The following ZSWIM6 variants were observed in gnomAD, a reference collection of about 807,000 sequenced individuals.
The protein encoded by ZSWIM6 is zinc finger SWIM domain-containing protein 6.
A neutral mutation model predicts 113.2 loss-of-function variants in ZSWIM6; 9 were observed. The ratio of observed to expected loss-of-function variants is 0.08; its 90% CI spans 0.05 to 0.14. The LOEUF (loss-of-function observed/expected upper bound fraction) is 0.14. Among genes scored for constraint, ZSWIM6 ranks in the 10% least tolerant of loss-of-function variants. The pLI is 1.00. For missense variants in ZSWIM6, 1,162 were observed against 1,552.2 expected (o/e 0.75, Z 4.22); for synonymous variants, 611 against 606.5 (o/e 1.01, Z -0.11).
intron 1 of ZSWIM6, among the ~76,000 whole-genome samples, chr5:61,410,721 G>A: frequency 6.6e-6 from 1 of 152,148 alleles, no homozygotes; most frequent in East Asian, 1.9e-4. Context: ...GTACAGAGTT[G>A]TAAACTACTG....
chr5:61,348,418 G>T (rs950118857), intron 1 of ZSWIM6, among the ~76,000 whole-genome samples: 1 of 152,050 alleles, frequency 6.6e-6, no homozygotes, highest in African/African-American at 2.4e-5. Context: ...ACTTCATTGG[G>T]CTGCTTATTT....
At chr5:61,385,414 G>C (rs960405316) in intron 1 of ZSWIM6, among the ~76,000 whole-genome samples, 1 of 152,170 alleles carries the variant, frequency 6.6e-6, no homozygotes, top group Non-Finnish European at 1.5e-5. Flanking sequence ...AGGGCGGCAT[G>C]ATAAATGAGA....
chr5:61,381,522 CATT>C (rs1745475450), intron 1 of ZSWIM6, among the ~76,000 whole-genome samples: 1 of 152,078 alleles, frequency 6.6e-6, no homozygotes, highest in African/African-American at 2.4e-5. Flanking sequence ...CTCAAAGTAA[CATT>C]ATGTGTGTCA....
At chr5:61,465,604 G>A (rs1027373466) in intron 1 of ZSWIM6, among the ~76,000 whole-genome samples, 3 of 152,118 alleles carry the variant, frequency 2.0e-5, no homozygotes, top group African/African-American at 7.2e-5. Context: ...AGAAAATGGT[G>A]TAAGAATCTA....
rs561983930 is a variant in ZSWIM6, at chr5:61,334,323, T to C, written c.676+1375T>C. Reference sequence around the variant, plus strand: ...AACAATGCTGTAGTGAAACTTCCCATTTTTTTCTCCTGATTGCAAATGGCA... The same window carrying C: ...AACAATGCTGTAGTGAAACTTCCCACTTTTTTCTCCTGATTGCAAATGGCA... On this transcript the variant is annotated intron_variant, in intron 1 of 13. Transcript: ENST00000252744. 2.0e-5 allele frequency among the ~76,000 whole-genome samples: 3 copies of C among 152,284 alleles called. No individual in the cohort carries two copies. The South Asian group carries it at 6.2e-4, about 32-fold the overall frequency.
At chr5:61,394,388 T>C (rs1745795734) in intron 1 of ZSWIM6, among the ~76,000 whole-genome samples, 1 of 152,226 alleles carries the variant, frequency 6.6e-6, no homozygotes, top group African/African-American at 2.4e-5. Context: ...TCCTGACTGC[T>C]TGCACCCTGG....
At chr5:61,431,811 A>G (rs1276042740) in intron 1 of ZSWIM6, among the ~76,000 whole-genome samples, 3 of 152,224 alleles carry the variant, frequency 2.0e-5, no homozygotes, top group African/African-American at 7.2e-5. Flanking sequence ...ATTCTTCATT[A>G]AAGAATGAGG....
intron 1 of ZSWIM6, among the ~76,000 whole-genome samples, chr5:61,335,300 T>C (rs1053118688): frequency 2.0e-5 from 3 of 152,278 alleles, no homozygotes; most frequent in African/African-American, 7.2e-5. Context: ...GTGGAAAATA[T>C]TCTTTTTTCG....
At chr5:61,527,811 G>A (rs947261987) in intron 7 of ZSWIM6, among the ~76,000 whole-genome samples, 1 of 152,156 alleles carries the variant, frequency 6.6e-6, no homozygotes, top group Non-Finnish European at 1.5e-5. Context: ...ATGAATAAAT[G>A]TTGACTTTTA....
chr5:61,371,423 A>G (rs967619055), intron 1 of ZSWIM6, among the ~76,000 whole-genome samples: 1 of 152,252 alleles, frequency 6.6e-6, no homozygotes, highest in African/African-American at 2.4e-5. Context: ...AATGATGTTT[A>G]AATAATTGGC....
intron 4 of ZSWIM6, among the ~76,000 whole-genome samples, chr5:61,508,844 T>G (rs1748699295): frequency 6.6e-6 from 1 of 152,066 alleles, no homozygotes; most frequent in Non-Finnish European, 1.5e-5. Context: ...TATCAGAAAG[T>G]CCATGCTATC....
chr5:61,534,049 C>T (rs1166325637), intron 9 of ZSWIM6, among the ~76,000 whole-genome samples: 5 of 152,152 alleles, frequency 3.3e-5, no homozygotes, highest in African/African-American at 7.2e-5. Context: ...TTAATGCAGG[C>T]CCCAACTTTG....
intron 1 of ZSWIM6, among the ~76,000 whole-genome samples, chr5:61,409,397 A>C (rs1203917734): frequency 6.6e-6 from 1 of 152,220 alleles, no homozygotes; most frequent in Non-Finnish European, 1.5e-5. Context: ...GTAAAGCAAA[A>C]GATCAAAAAA....
chr5:61,458,641 G>T (rs1048158645), intron 1 of ZSWIM6, among the ~76,000 whole-genome samples: 1 of 152,134 alleles, frequency 6.6e-6, no homozygotes, highest in African/African-American at 2.4e-5. Context: ...ACTTTGGGAG[G>T]CTGAGGCAGG....
At chr5:61,386,038 A>G in intron 1 of ZSWIM6, among the ~76,000 whole-genome samples, 1 of 152,250 alleles carries the variant, frequency 6.6e-6, no homozygotes. Flanking sequence ...TATGCTAAAG[A>G]TGGGAAATAT....
rs1282300396 is a variant in ZSWIM6, at chr5:61,543,642, T to G, written c.2973T>G (p.Asp991Glu). The G allele has an allele frequency of 2.6e-6, 4 of 1,551,766 alleles. No individual in the cohort carries two copies. In the East Asian group the frequency reaches 7.3e-5, roughly 28 times the overall value. The change falls in exon 14 of 14, where the codon GAT becomes GAG. Residue 991 changes from aspartate (D) to glutamate (E), a missense_variant. Around this residue, in one of 4 missense-constraint regions of ZSWIM6, gnomAD observed 620 missense variants for 804.6 expected, o/e 0.77. Coordinates refer to ENST00000252744, the MANE Select transcript of ZSWIM6 (RefSeq NM_020928.2). This position sits in a 1 kb window ranked among gnomAD's most constrained non-coding sequence, Gnocchi z 4.3. ...TTGCACTGCAGTGTGCCATGAAGGA[T>G]CCACAGAACTGTGCCCTCTCTGCGC... ...RTLALQCAMK[D>E]PQNCALSALT... is the part of the protein sequence containing the mutation.
intron 1 of ZSWIM6, among the ~76,000 whole-genome samples, chr5:61,451,012 T>C (rs776584844): frequency 2.0e-5 from 3 of 152,220 alleles, no homozygotes; most frequent in Admixed American, 6.5e-5. Context: ...TCCTTTTACC[T>C]TAAAAGTATG....
chr5:61,478,105 C>CCTTT (rs1191333527), intron 2 of ZSWIM6, among the ~76,000 whole-genome samples: 13 of 152,066 alleles, frequency 8.5e-5, no homozygotes, highest in Non-Finnish European at 1.9e-4. Flanking sequence ...ACTATCATAC[C>CCTTT]CTTTCTATTG....
chr5:61,399,627 G>A (rs894703768), intron 1 of ZSWIM6, among the ~76,000 whole-genome samples: 1 of 152,110 alleles, frequency 6.6e-6, no homozygotes, highest in African/African-American at 2.4e-5. Context: ...GTACATTCAG[G>A]GTTGGTGTTT....
Sources: allele counts gnomAD v4.1 joint callset (sites outside exome capture counted in the v4.1 genomes callset), GRCh38; gene constraint gnomAD v4.1.1; regional missense constraint gnomAD v4.1.1; non-coding constraint Gnocchi (gnomAD v3.1); transcripts MANE v1.5; gene names NCBI Gene and HGNC (gene_info 2026-07-23, HGNC 2026-07-21).